Variants in IGF2BP1 observed in about 807,000 individuals in gnomAD.
IGF2BP1 encodes insulin like growth factor 2 mRNA binding protein 1.
IGF2BP1 carries 11 observed loss-of-function variants against 74.9 expected under a neutral mutation model. That is an observed-to-expected ratio of 0.15 (90% confidence interval 0.09 to 0.24). The LOEUF (loss-of-function observed/expected upper bound fraction) is 0.24, where lower values mean the gene tolerates loss of function less well. Among genes scored for constraint, IGF2BP1 ranks in the 10% least tolerant of loss-of-function variants. IGF2BP1 has a pLI of 1.00. For synonymous variants in IGF2BP1, 287 were observed against 281.8 expected (o/e 1.02, Z -0.18); for missense variants, 440 against 757.4 (o/e 0.58, Z 4.92).
intron 2 of IGF2BP1, among the ~76,000 whole-genome samples, chr17:49,024,451 T>G (rs1380510588): frequency 6.6e-6 from 1 of 152,082 alleles, no homozygotes; most frequent in Non-Finnish European, 1.5e-5. Flanking sequence ...AAGAAGACAG[T>G]ACTGTATAGT....
intron 4 of IGF2BP1, among the ~76,000 whole-genome samples, chr17:49,026,747 T>G (rs569788260): frequency 7.1e-6 from 1 of 141,442 alleles, no homozygotes; most frequent in African/African-American, 2.6e-5. Flanking sequence ...CTGCCTGCCT[T>G]CCTGCCTTCC....
At chr17:49,010,817 C>T (rs894683351) in intron 2 of IGF2BP1, among the ~76,000 whole-genome samples, 30 of 151,858 alleles carry the variant, frequency 2.0e-4, no homozygotes, top group Non-Finnish European at 3.4e-4. Context: ...CAGGAGTCCA[C>T]GCACTAAAAT....
intron 2 of IGF2BP1, among the ~76,000 whole-genome samples, chr17:49,001,210 T>C (rs1336370193): frequency 6.6e-6 from 1 of 152,226 alleles, no homozygotes; most frequent in Non-Finnish European, 1.5e-5. Flanking sequence ...GTCTTTAGTC[T>C]GTGTCTGAAA....
chr17:48,998,908 A>G (rs1290772451), intron 1 of IGF2BP1, among the ~76,000 whole-genome samples: 2 of 152,172 alleles, frequency 1.3e-5, no homozygotes, highest in African/African-American at 4.8e-5. Flanking sequence ...AAATTAAAAA[A>G]TGAATAATAA....
intron 5 of IGF2BP1, among the ~76,000 whole-genome samples, chr17:49,036,119 C>T (rs1018478001): frequency 5.3e-5 from 8 of 150,982 alleles, no homozygotes; most frequent in African/African-American, 2.0e-4. Context: ...TGGAAGCGAC[C>T]GGCATAGCGC....
intron 2 of IGF2BP1, among the ~76,000 whole-genome samples, chr17:49,019,479 T>C (rs1405155968): frequency 6.6e-6 from 1 of 152,186 alleles, no homozygotes; most frequent in Non-Finnish European, 1.5e-5. Context: ...TTTACCTTTT[T>C]ATTATGGAAA....
chr17:49,011,245 G>GA (rs1428889746), intron 2 of IGF2BP1, among the ~76,000 whole-genome samples: 1 of 151,748 alleles, frequency 6.6e-6, no homozygotes, highest in Non-Finnish European at 1.5e-5. Context: ...CTAGAAGAGG[G>GA]AGGCATTCAG....
chr17:49,038,597 A>C, intron 6 of IGF2BP1, 148 bp downstream of exon 6: 1 of 780,042 alleles, frequency 1.3e-6, no homozygotes, highest in South Asian at 4.0e-5. Flanking sequence ...TGCTTCCAAT[A>C]CCAGCCTCCT....
At chr17:49,025,252 G>T (rs923339203) in intron 2 of IGF2BP1, among the ~76,000 whole-genome samples, 1 of 151,310 alleles carries the variant, frequency 6.6e-6, no homozygotes, top group African/African-American at 2.4e-5. Flanking sequence ...CTAGTGCCTG[G>T]AACATAGTCA....
chr17:49,015,039 C>G (rs2041678415), intron 2 of IGF2BP1: 1 of 650,174 alleles, frequency 1.5e-6, no homozygotes. Flanking sequence ...AGCGTGTGTC[C>G]TGTCGCCCAG....
intron 7 of IGF2BP1, 84 bp from the exon 8 acceptor site, chr17:49,041,294 C>A: frequency 1.3e-6 from 2 of 1,495,294 alleles, no homozygotes; most frequent in South Asian, 1.2e-5. Context: ...AATGCCAAGT[C>A]TGGGGTGGCA....
chr17:49,019,625 TTAGACA>T (rs1269176898), intron 2 of IGF2BP1, among the ~76,000 whole-genome samples: 1 of 152,100 alleles, frequency 6.6e-6, no homozygotes, highest in African/African-American at 2.4e-5. Context: ...GAAGCAAATC[TTAGACA>T]TGTCATTTTA....
intron 12 of IGF2BP1, 102 bp from the exon 13 acceptor site, chr17:49,045,788 G>A: frequency 7.8e-7 from 1 of 1,274,282 alleles, no homozygotes; most frequent in Non-Finnish European, 1.1e-6. Flanking sequence ...GATGGGGAGG[G>A]CCTGTGGGCC....
chr17:49,014,202 C>T lies in IGF2BP1; in HGVS notation c.237-11416C>T, dbSNP rs1474318207. On this transcript the variant is annotated intron_variant, in intron 2 of 14. Coordinates refer to ENST00000290341, the MANE Select transcript of IGF2BP1 (RefSeq NM_006546.4). Reference sequence around the variant, plus strand: ...CACTATCCCCGTTAGTGGTTCTCCCCGCGGTCCCCGTCCCCCTCAGTCTCC... The same window carrying T: ...CACTATCCCCGTTAGTGGTTCTCCCTGCGGTCCCCGTCCCCCTCAGTCTCC... Among the ~76,000 whole-genome samples the T allele has an allele frequency of 2.0e-5, 3 of 151,334 alleles. No homozygotes were observed. The East Asian group carries it at 5.9e-4, about 30-fold the overall frequency.
intron 5 of IGF2BP1, among the ~76,000 whole-genome samples, chr17:49,035,260 A>G (rs2041972834): frequency 6.6e-6 from 1 of 152,246 alleles, no homozygotes; most frequent in African/African-American, 2.4e-5. Context: ...CAAAAGATGA[A>G]TTTGGACTTC....
chr17:49,006,482 A>G (rs1346663507), intron 2 of IGF2BP1, among the ~76,000 whole-genome samples: 1 of 152,144 alleles, frequency 6.6e-6, no homozygotes, highest in Non-Finnish European at 1.5e-5. Context: ...AATAGCTCTT[A>G]TTGTTATTAT....
At position 49,055,573 on chromosome 17, in the gene IGF2BP1, GC is replaced by G. The variant is rs1364334683; in HGVS notation, c.*6130del. ...CTGTGCAGATTTTATGTTAGCCACT[GC>G]TATGTAAAAGCACGTTCAAAATGAA... On this transcript the variant is annotated 3_prime_UTR_variant, in exon 15 of 15. Transcript: ENST00000290341. 2.0e-5 allele frequency: 8 copies of G among 398,354 alleles called. No homozygotes were observed. The highest frequency in any genetic ancestry group is 1.4e-4 in the African/African-American group (7 of 48,632). 24.7% of individuals were successfully genotyped at this position (398,354 alleles called of 1,614,324 possible).
At chr17:49,008,014 A>G (rs2041570991) in intron 2 of IGF2BP1, among the ~76,000 whole-genome samples, 1 of 152,152 alleles carries the variant, frequency 6.6e-6, no homozygotes, top group East Asian at 1.9e-4. Flanking sequence ...TCTACTAAAA[A>G]TACAAAAATT....
At chr17:49,031,492 T>C (rs1044696631) in intron 4 of IGF2BP1, among the ~76,000 whole-genome samples, 1 of 151,988 alleles carries the variant, frequency 6.6e-6, no homozygotes, top group African/African-American at 2.4e-5. Context: ...AGGTGTCCTT[T>C]TCTTTCTTCT....
Sources: gnomAD v4.1 joint callset for allele counts (sites outside exome capture counted in the v4.1 genomes callset) on GRCh38, gnomAD v4.1.1 for gene constraint, MANE v1.5 for transcripts, NCBI Gene and HGNC (gene_info 2026-07-23, HGNC 2026-07-21) for gene names.